The following SNTG1 variants were observed in gnomAD, a reference collection of about 807,000 sequenced individuals.
SNTG1 encodes the protein gamma-1-syntrophin.
SNTG1 carries 39 observed loss-of-function variants against 74.7 expected under a neutral mutation model. The observed-to-expected ratio is 0.52, with a 90% CI of 0.40 to 0.68. The LOEUF (loss-of-function observed/expected upper bound fraction) is 0.68, where lower values mean the gene tolerates loss of function less well. SNTG1 is among the 30% of genes least tolerant of loss of function. The probability of loss-of-function intolerance (pLI) is 0.00; values close to 1 mark genes in which losing one functional copy is unlikely to be tolerated. For synonymous variants in SNTG1, 254 were observed against 217.1 expected, an observed-to-expected ratio of 1.17 and a Z score of -1.49; for missense variants, 685 against 609.5, an observed-to-expected ratio of 1.12 and a Z score of -1.30.
At chr8:50,792,552 CAT>C (rs1458860619) in intron 18 of SNTG1, 117 bp from the exon 19 acceptor site, 9 of 1,040,288 alleles carry the variant, frequency 8.7e-6, no homozygotes, top group South Asian at 1.7e-5. Context: ...TTAGTTTCCA[CAT>C]GTTACATATC....
Position 50,595,005 on chromosome 8 carries a change from T to G in SNTG1, c.849+4088T>G, listed in dbSNP as rs1457333388. ...AGTTGTATATTTAATTCATGAAATT[T>G]TAGCTTTATTGAAGATGTGTGTGTG... On this transcript the variant is annotated intron_variant, in intron 13 of 18. Transcript: ENST00000642720. Among the ~76,000 whole-genome samples the G allele has an allele frequency of 2.1e-5, 3 of 141,264 alleles. No individual in the cohort carries two copies. The East Asian group carries it at 6.4e-4, about 30-fold the overall frequency. 92.7% of individuals were successfully genotyped at this position (141,264 alleles called of 152,430 possible).
At chr8:50,666,482 T>A (rs913896101) in intron 15 of SNTG1, among the ~76,000 whole-genome samples, 4 of 152,082 alleles carry the variant, frequency 2.6e-5, no homozygotes, top group Non-Finnish European at 5.9e-5. Context: ...AGTATGAGGG[T>A]GGGAGGTAAT....
chr8:50,528,144 G>A (rs310575), intron 9 of SNTG1, among the ~76,000 whole-genome samples: 51,109 of 151,522 alleles, frequency 0.34, 10,108 homozygotes, highest in African/African-American at 0.55. Flanking sequence ...TGACTTTCCC[G>A]TTGCAGTGGC....
chr8:50,558,894 A>T (rs182609852), intron 12 of SNTG1, among the ~76,000 whole-genome samples: 61 of 152,330 alleles, frequency 4.0e-4, no homozygotes, highest in East Asian at 3.7e-3. Context: ...TGTATTTTTT[A>T]TTTATTCAAC....
At position 50,394,259 on chromosome 8, in the gene SNTG1, T is replaced by G. The variant is rs2092700019; in HGVS notation, c.21T>G (p.Cys7Trp). 2 of 1,613,062 alleles carry G rather than the reference T, an allele frequency of 1.2e-6. No homozygotes were observed. Among genetic ancestry groups the G allele is most frequent in the Non-Finnish European group, 1.7e-6 (2 of 1,179,398 alleles). MDFRTA[C>W]EETKTGICLL... ...AGCACATGGATTTCAGAACCGCCTG[T>G]GAGGAGGTGAGTACAGAGCTTTCTG... The change falls in exon 3 of 19, where the codon TGT (cysteine) becomes TGG (tryptophan). Residue 7 changes from cysteine (C) to tryptophan (W), a missense_variant. Coordinates refer to ENST00000642720, the MANE Select transcript of SNTG1 (RefSeq NM_018967.5).
chr8:50,189,914 T>C (rs2083506346), intron 2 of SNTG1, among the ~76,000 whole-genome samples: 1 of 152,196 alleles, frequency 6.6e-6, no homozygotes, highest in Non-Finnish European at 1.5e-5. Flanking sequence ...CTAAGTTAAA[T>C]TCTGATCTAA....
chr8:50,632,284 AT>A (rs1244973802), intron 13 of SNTG1, among the ~76,000 whole-genome samples: 1 of 132,188 alleles, frequency 7.6e-6, no homozygotes, highest in Non-Finnish European at 1.5e-5. Flanking sequence ...AGTCTTTTTA[AT>A]TTTATTTATT....
At chr8:49,993,171 G>C (rs1460133056) in intron 1 of SNTG1, among the ~76,000 whole-genome samples, 1 of 151,974 alleles carries the variant, frequency 6.6e-6, no homozygotes, top group African/African-American at 2.4e-5. Context: ...ACTTTTCTCT[G>C]GGCTTATTTT....
At chr8:50,249,156 T>A (rs780023240) in intron 2 of SNTG1, among the ~76,000 whole-genome samples, 1 of 152,114 alleles carries the variant, frequency 6.6e-6, no homozygotes. Flanking sequence ...CAGATACGAA[T>A]GGTAACTGAT....
chr8:50,186,194 G>A (rs879192012), intron 2 of SNTG1, among the ~76,000 whole-genome samples: 2 of 151,964 alleles, frequency 1.3e-5, no homozygotes, highest in Non-Finnish European at 2.9e-5. Flanking sequence ...TCTTTTTTAT[G>A]GCTGCATAGT....
chr8:50,041,748 A>G (rs938063485), intron 1 of SNTG1, among the ~76,000 whole-genome samples: 1 of 152,152 alleles, frequency 6.6e-6, no homozygotes, highest in Non-Finnish European at 1.5e-5. Flanking sequence ...ACTAGTTTCT[A>G]GATGTGGTAT....
At chr8:50,543,144 T>A (rs1429874546) in intron 11 of SNTG1, among the ~76,000 whole-genome samples, 1 of 152,228 alleles carries the variant, frequency 6.6e-6, no homozygotes, top group Non-Finnish European at 1.5e-5. Flanking sequence ...ACAGAAAACA[T>A]CTTAGCCCAG....
intron 1 of SNTG1, among the ~76,000 whole-genome samples, chr8:50,023,571 G>A (rs1817009936): frequency 1.3e-5 from 2 of 152,142 alleles, no homozygotes; most frequent in African/African-American, 4.8e-5. Context: ...GCAAATATGA[G>A]TTTCTGAAAA....
At chr8:50,088,393 A>T (rs551132815) in intron 1 of SNTG1, among the ~76,000 whole-genome samples, 2 of 134,886 alleles carry the variant, frequency 1.5e-5, no homozygotes, top group Non-Finnish European at 3.2e-5. Context: ...TAGTGTTGGA[A>T]GTTCTGGCCA....
rs181843505 is a variant in SNTG1, at chr8:50,479,032, T to G, written c.364-23746T>G. Among the ~76,000 whole-genome samples, 53 of 152,266 alleles carry G rather than the reference T, an allele frequency of 3.5e-4. 1 individual carries two copies. In the East Asian group the frequency reaches 8.3e-3, roughly 24 times the overall value. On this transcript the variant is annotated intron_variant, in intron 8 of 18. Coordinates refer to ENST00000642720, the MANE Select transcript of SNTG1 (RefSeq NM_018967.5). ...TCTTCATAAAACTGCTAGATAGATATGATTATTACTATTATTTCATAGATG... is the reference window on the plus strand; with the variant it reads ...TCTTCATAAAACTGCTAGATAGATAGGATTATTACTATTATTTCATAGATG...
At chr8:50,466,960 A>T (rs1365756130) in intron 8 of SNTG1, among the ~76,000 whole-genome samples, 3 of 151,702 alleles carry the variant, frequency 2.0e-5, no homozygotes, top group African/African-American at 7.2e-5. Context: ...AGATTTTTTG[A>T]TATGGTGGGT....
At chr8:50,744,394 G>A (rs2095550575) in intron 17 of SNTG1, among the ~76,000 whole-genome samples, 1 of 151,910 alleles carries the variant, frequency 6.6e-6, no homozygotes, top group African/African-American at 2.4e-5. Context: ...TGAAAGTCTT[G>A]TATACTAAAA....
intron 18 of SNTG1, among the ~76,000 whole-genome samples, chr8:50,780,825 T>C (rs981362870): frequency 6.6e-6 from 1 of 152,220 alleles, no homozygotes; most frequent in Non-Finnish European, 1.5e-5. Context: ...TTTCCTGCTT[T>C]CTCTTGTGGG....
At chr8:50,488,942 A>C (rs1362704273) in intron 8 of SNTG1, among the ~76,000 whole-genome samples, 1 of 151,692 alleles carries the variant, frequency 6.6e-6, no homozygotes, top group Non-Finnish European at 1.5e-5. Context: ...CCCACCCCAC[A>C]ACAGGCCCCA....
Sources: allele counts gnomAD v4.1 joint callset (sites outside exome capture counted in the v4.1 genomes callset), GRCh38; gene constraint gnomAD v4.1.1; transcripts MANE v1.5; gene names NCBI Gene and HGNC (gene_info 2026-07-23, HGNC 2026-07-21).